The following SPAG16 variants were observed in gnomAD, a reference collection of about 807,000 sequenced individuals.
SPAG16 encodes the protein sperm associated antigen 16, also known as sperm-associated antigen 16 protein.
A neutral mutation model predicts 80.4 loss-of-function variants in SPAG16; 86 were observed. The ratio of observed to expected loss-of-function variants is 1.07; its 90% CI spans 0.90 to 1.28. SPAG16 has a LOEUF of 1.28. Among genes scored for constraint, SPAG16 ranks in the 50% most tolerant of loss-of-function variants. SPAG16 has a pLI of 0.00. For missense variants in SPAG16, 870 were observed against 765.3 expected (o/e 1.14, Z -1.61); for synonymous variants, 294 against 265.9 (o/e 1.11, Z -1.03).
At chr2:213,909,679 G>A (rs2077579038) in intron 11 of SPAG16, among the ~76,000 whole-genome samples, 1 of 152,134 alleles carries the variant, frequency 6.6e-6, no homozygotes, top group Non-Finnish European at 1.5e-5. Flanking sequence ...GCCATATGTA[G>A]AAAGTTGAAA....
chr2:214,386,508 A>AATAG (rs1407420222), intron 15 of SPAG16, among the ~76,000 whole-genome samples: 1 of 152,172 alleles, frequency 6.6e-6, no homozygotes, highest in Non-Finnish European at 1.5e-5. Flanking sequence ...AAGTTTATCA[A>AATAG]ATAGATAAAT....
chr2:213,812,638 AT>A (rs1313193816), intron 10 of SPAG16, among the ~76,000 whole-genome samples: 1 of 151,792 alleles, frequency 6.6e-6, no homozygotes, highest in Admixed American at 6.6e-5. Context: ...ACATGCTAGG[AT>A]TTTTTTTCTC....
At chr2:213,910,038 A>G (rs912859595) in intron 11 of SPAG16, among the ~76,000 whole-genome samples, 1 of 152,198 alleles carries the variant, frequency 6.6e-6, no homozygotes, top group Non-Finnish European at 1.5e-5. Flanking sequence ...CCAAAATCAT[A>G]CCTTTTACTT....
intron 15 of SPAG16, among the ~76,000 whole-genome samples, chr2:214,296,092 A>ATCTT (rs1694112267): frequency 6.6e-6 from 1 of 152,110 alleles, no homozygotes; most frequent in South Asian, 2.1e-4. Context: ...TATCATTTAC[A>ATCTT]TCTTTATGTC....
At chr2:214,301,741 C>T (rs1037096484) in intron 15 of SPAG16, among the ~76,000 whole-genome samples, 1 of 152,090 alleles carries the variant, frequency 6.6e-6, no homozygotes. Context: ...TTTCATTTCA[C>T]TGATCCTTTG....
chr2:213,752,675 C>A (rs1023388290), intron 10 of SPAG16, among the ~76,000 whole-genome samples: 1 of 152,174 alleles, frequency 6.6e-6, no homozygotes, highest in Non-Finnish European at 1.5e-5. Context: ...TACTCTTTTT[C>A]TCTGCTTTGT....
chr2:214,329,096 C>G (rs1479387280), intron 15 of SPAG16, among the ~76,000 whole-genome samples: 1 of 152,184 alleles, frequency 6.6e-6, no homozygotes, highest in Admixed American at 6.5e-5. Flanking sequence ...ATCTGTGACG[C>G]AAAAACAAAG....
At position 213,331,230 on chromosome 2, in the gene SPAG16, G is replaced by A. The variant is rs80338248; in HGVS notation, c.537-8933G>A. On this transcript the variant is annotated intron_variant, in intron 5 of 15. Transcript: ENST00000331683. Reference sequence around the variant, plus strand: ...TTTCTGCAGCATGCCTGGGTCCTGAGGCCCCCATTCCAGGCCTGAGCTCCC... The same window carrying A: ...TTTCTGCAGCATGCCTGGGTCCTGAAGCCCCCATTCCAGGCCTGAGCTCCC... Among the ~76,000 whole-genome samples the A allele has an allele frequency of 4.1e-3, 620 of 152,326 alleles. 2 individuals carry two copies. The highest frequency in any genetic ancestry group is 7.0e-3 in the Non-Finnish European group (476 of 68,032).
intron 10 of SPAG16, among the ~76,000 whole-genome samples, chr2:213,856,267 G>A (rs1432981031): frequency 6.6e-6 from 1 of 152,192 alleles, no homozygotes. Context: ...TGATGCAAGA[G>A]GTGGACTCCC....
intron 10 of SPAG16, among the ~76,000 whole-genome samples, chr2:213,596,091 C>G (rs2060877420): frequency 6.6e-6 from 1 of 151,950 alleles, no homozygotes; most frequent in Non-Finnish European, 1.5e-5. Context: ...CTCATTATGA[C>G]AAATTCAAAG....
At chr2:213,973,641 T>C (rs561020534) in intron 12 of SPAG16, among the ~76,000 whole-genome samples, 105 of 151,900 alleles carry the variant, frequency 6.9e-4, no homozygotes, top group Non-Finnish European at 1.3e-3. Context: ...GCCCCCTTTT[T>C]TTTTTTTTTG....
chr2:213,871,863 CACACACACACACACACAGAGAGAGAGAG>C (rs1398040011), intron 11 of SPAG16, among the ~76,000 whole-genome samples: 973 of 56,076 alleles, frequency 0.017, 16 homozygotes, highest in East Asian at 0.11. Context: ...CACACACACA[CACACACACACACACACAGAGAGAGAGAG>C]AGAGAGAGCA....
At chr2:214,164,127 A>G (rs1354895552) in intron 15 of SPAG16, among the ~76,000 whole-genome samples, 2 of 152,078 alleles carry the variant, frequency 1.3e-5, no homozygotes, top group Non-Finnish European at 2.9e-5. Flanking sequence ...AATATTTACT[A>G]TGCCCTATTC....
chr2:214,343,767 T>C (rs1697874437), intron 15 of SPAG16, among the ~76,000 whole-genome samples: 1 of 152,122 alleles, frequency 6.6e-6, no homozygotes, highest in South Asian at 2.1e-4. Flanking sequence ...AAATAAACCA[T>C]AACTGAAATA....
At chr2:213,594,541 A>G (rs2060821354) in intron 10 of SPAG16, among the ~76,000 whole-genome samples, 1 of 151,994 alleles carries the variant, frequency 6.6e-6, no homozygotes, top group South Asian at 2.1e-4. Context: ...TTCTCTTTCT[A>G]TACCTGGCAA....
At chr2:214,101,855 A>G (rs922947249) in intron 13 of SPAG16, among the ~76,000 whole-genome samples, 1 of 152,180 alleles carries the variant, frequency 6.6e-6, no homozygotes, top group Non-Finnish European at 1.5e-5. Flanking sequence ...TGCTTTAGGT[A>G]TGTAATAAAC....
intron 13 of SPAG16, among the ~76,000 whole-genome samples, chr2:214,046,755 G>A (rs1472719778): frequency 6.6e-6 from 1 of 152,050 alleles, no homozygotes; most frequent in Non-Finnish European, 1.5e-5. Context: ...AATTATCCTG[G>A]TTCACAGATG....
chr2:214,034,767 T>C (rs567370414), intron 13 of SPAG16, among the ~76,000 whole-genome samples: 1 of 152,308 alleles, frequency 6.6e-6, no homozygotes, highest in South Asian at 2.1e-4. Flanking sequence ...ATAGAGGATG[T>C]CACGGCCCTG....
At chr2:214,193,032 T>C (rs949489120) in intron 15 of SPAG16, among the ~76,000 whole-genome samples, 1 of 152,062 alleles carries the variant, frequency 6.6e-6, no homozygotes, top group Admixed American at 6.6e-5. Flanking sequence ...TACAAGGACC[T>C]CTGCTACATG....
Sources: gnomAD v4.1 joint callset for allele counts (sites outside exome capture counted in the v4.1 genomes callset) on GRCh38, gnomAD v4.1.1 for gene constraint, MANE v1.5 for transcripts, NCBI Gene and HGNC (gene_info 2026-07-23, HGNC 2026-07-21) for gene names.